Variants in PDCD6 observed in about 807,000 individuals in gnomAD.
PDCD6 encodes programmed cell death protein 6.
In PDCD6, 12 loss-of-function variants were observed where a neutral mutation model predicts 28.3. The ratio of observed to expected loss-of-function variants is 0.42; its 90% CI spans 0.27 to 0.69. The LOEUF is 0.69. PDCD6 is among the 30% of genes least tolerant of loss of function. The pLI, the probability that PDCD6 is intolerant of heterozygous loss-of-function variation, is 0.22. For missense variants in PDCD6, 226 were observed against 269.9 expected (o/e 0.84, Z 1.14); for synonymous variants, 92 against 108.0 (o/e 0.85, Z 0.92).
At chr5:274,208 GACATTT>G (rs1470899250) in intron 2 of PDCD6, among the ~76,000 whole-genome samples, 2 of 152,232 alleles carry the variant, frequency 1.3e-5, no homozygotes, top group Non-Finnish European at 2.9e-5. Context: ...ATGTTTCAGA[GACATTT>G]ATTTTGAGTG....
chr5:289,094 A>G, intron 2 of PDCD6: 1 of 1,209,422 alleles, frequency 8.3e-7, no homozygotes, highest in South Asian at 1.3e-5. Flanking sequence ...TTGAGGCATC[A>G]TCAGATTATT....
chr5:300,856 G>A (rs973006480), intron 2 of PDCD6, among the ~76,000 whole-genome samples: 3 of 152,032 alleles, frequency 2.0e-5, no homozygotes, highest in African/African-American at 7.3e-5. Flanking sequence ...GCTCTCCTGG[G>A]CAATCCTTAG....
rs77067331 is a variant in PDCD6 at position 310,260 on chromosome 5, G to A, written c.368-1033G>A. Reference sequence around the variant, plus strand: ...AGGAAGGAGGGTCCGAGGCAACTCCGCTGTTGCACATTTAGGGACCCCTGA... The same window carrying A: ...AGGAAGGAGGGTCCGAGGCAACTCCACTGTTGCACATTTAGGGACCCCTGA... On this transcript the variant is annotated intron_variant, in intron 4 of 5. Coordinates refer to ENST00000264933, the MANE Select transcript of PDCD6 (RefSeq NM_013232.4). The A allele has an allele frequency of 4.1e-3, 641 of 157,366 alleles. 4 individuals are homozygous for A. Among genetic ancestry groups the A allele is most frequent in the African/African-American group, 0.015 (616 of 41,584 alleles). 9.7% of individuals were successfully genotyped at this position (157,366 alleles called of 1,614,324 possible).
intron 2 of PDCD6, chr5:290,134 G>A: frequency 6.3e-7 from 1 of 1,586,038 alleles, no homozygotes; most frequent in Non-Finnish European, 8.7e-7. Context: ...TGGCTCAGGA[G>A]CTGAAGTTCT....
chr5:273,370 A>G (rs1737964871), intron 2 of PDCD6: 1 of 153,074 alleles, frequency 6.5e-6, no homozygotes, highest in African/African-American at 2.4e-5. Flanking sequence ...GCGTGTTGTG[A>G]GCTCCCTGGA....
At chr5:298,685 CT>C in intron 2 of PDCD6, among the ~76,000 whole-genome samples, 1 of 110,166 alleles carries the variant, frequency 9.1e-6, no homozygotes, top group African/African-American at 6.5e-5. Flanking sequence ...GCTGCTCCCA[CT>C]CAGCTGCTCC....
chr5:299,771 G>T (rs377655230), intron 2 of PDCD6, among the ~76,000 whole-genome samples: 1 of 152,070 alleles, frequency 6.6e-6, no homozygotes, highest in Admixed American at 6.5e-5. Context: ...GGATGGTCTC[G>T]ATCTCCTCAC....
intron 2 of PDCD6, chr5:289,018 T>C: frequency 1.6e-6 from 2 of 1,268,140 alleles, no homozygotes; most frequent in Admixed American, 3.4e-5. Flanking sequence ...AGTAAATCTT[T>C]CTCAGCTTGA....
At position 302,395 on chromosome 5, in the gene PDCD6, C is replaced by CTGTGTGTG. The variant is rs1561046930; in HGVS notation, c.164-1775_164-1774insGTGTGTGT. ...GGAGGGTGGGTCGTGGAGTGCTGCT[C>CTGTGTGTG]TGTGTGTATGCCTCAGGTTCAGGTG... On this transcript the variant is annotated intron_variant, in intron 2 of 5. Transcript: ENST00000264933. 5.8e-4 allele frequency among the ~76,000 whole-genome samples: 44 copies of CTGTGTGTG among 76,188 alleles called. 4 individuals carry two copies. The highest frequency in any genetic ancestry group is 2.9e-3 in the African/African-American group (24 of 8,420). The allele number at this position is 76,188 out of a possible 152,430, so 50.0% of individuals were successfully genotyped here. A position where few individuals can be genotyped will look rare whatever the true frequency, so the allele number is the denominator to read the frequency against.
intron 2 of PDCD6, among the ~76,000 whole-genome samples, chr5:288,161 C>T (rs1483028685): frequency 6.6e-6 from 1 of 151,770 alleles, no homozygotes; most frequent in Non-Finnish European, 1.5e-5. Context: ...ATTTCAGTTA[C>T]TCAGAAGAGA....
At position 307,242 on chromosome 5, in the gene PDCD6, G is replaced by A. The variant is rs887032440; in HGVS notation, c.367+482G>A. On this transcript the variant is annotated intron_variant, in intron 4 of 5. Coordinates refer to ENST00000264933, the MANE Select transcript of PDCD6 (RefSeq NM_013232.4). The surrounding 1 kb of genome is among the most constrained non-coding windows in gnomAD (Gnocchi z 6.1). The stretch of plus-strand genomic sequence containing the variant: ...AGGTGTGCTCGGCGTGTGTGTGCTC[G>A]GCGTGTGTGTGCTCGGCGTGTGTGT... Among the ~76,000 whole-genome samples the A allele has an allele frequency of 7.7e-6, 1 of 129,130 alleles. No homozygotes were observed. The highest frequency in any genetic ancestry group is 1.6e-5 in the Non-Finnish European group (1 of 62,078). The allele number at this position is 129,130 out of a possible 152,430, so 84.7% of individuals were successfully genotyped here. A position where few individuals can be genotyped will look rare whatever the true frequency, so the allele number is the denominator to read the frequency against.
At chr5:271,896 C>T in intron 1 of PDCD6, 75 bp downstream of exon 1, 3 of 767,742 alleles carry the variant, frequency 3.9e-6, no homozygotes, top group Non-Finnish European at 5.6e-6. Context: ...CTCCCCCGAC[C>T]AACCCCGTTC....
intron 2 of PDCD6, among the ~76,000 whole-genome samples, chr5:299,863 T>TTG (rs1739942298): frequency 6.6e-6 from 1 of 151,900 alleles, no homozygotes; most frequent in African/African-American, 2.4e-5. Context: ...TTTTTTTTTT[T>TTG]ATTTTTTTAT....
chr5:285,472 G>A (rs534452256), intron 2 of PDCD6, among the ~76,000 whole-genome samples: 20 of 151,638 alleles, frequency 1.3e-4, no homozygotes, highest in Non-Finnish European at 2.5e-4. Context: ...GAGACCCGGC[G>A]GGGAGCTCAT....
chr5:285,552 A>G (rs28670180), intron 2 of PDCD6, among the ~76,000 whole-genome samples: 35,686 of 128,074 alleles, frequency 0.28, 6,381 homozygotes, highest in African/African-American at 0.55. Flanking sequence ...GGGCCGTGCA[A>G]CTGGAGACCC....
chr5:275,694 C>T (rs545265623), intron 2 of PDCD6, among the ~76,000 whole-genome samples: 2 of 152,184 alleles, frequency 1.3e-5, no homozygotes, highest in African/African-American at 4.8e-5. Flanking sequence ...TGTTAGTAAG[C>T]ACAGGTTTCT....
chr5:276,409 A>G, intron 2 of PDCD6: 7 of 989,516 alleles, frequency 7.1e-6, no homozygotes, highest in Non-Finnish European at 8.4e-6. Flanking sequence ...GTACAGGCAC[A>G]CAAAATTTGT....
intron 2 of PDCD6, among the ~76,000 whole-genome samples, chr5:301,289 G>T (rs1178490162): frequency 6.6e-6 from 1 of 152,216 alleles, no homozygotes; most frequent in African/African-American, 2.4e-5. Flanking sequence ...GTCAGAGCAG[G>T]TCACCCTTGT....
At position 292,391 on chromosome 5, in the gene PDCD6, T is replaced by A. The variant is rs1260360686; in HGVS notation, c.164-11786T>A. On this transcript the variant is annotated intron_variant, in intron 2 of 5. Coordinates refer to ENST00000264933, the MANE Select transcript of PDCD6 (RefSeq NM_013232.4). ...CTCCTGCCTCAGCCTCCCAAGTAGC[T>A]GGGATTACAGGCGCCCGCCACCACC... 3.9e-5 allele frequency among the ~76,000 whole-genome samples: 6 copies of A among 152,262 alleles called. No individual in the cohort carries two copies. In the South Asian group the frequency reaches 8.3e-4, roughly 21 times the overall value.
Sources: allele counts gnomAD v4.1 joint callset (sites outside exome capture counted in the v4.1 genomes callset), GRCh38; gene constraint gnomAD v4.1.1; non-coding constraint Gnocchi (gnomAD v3.1); transcripts MANE v1.5; gene names NCBI Gene and HGNC (gene_info 2026-07-23, HGNC 2026-07-21).